The following NEK11 variants were observed in gnomAD, a reference collection of about 807,000 sequenced individuals.
The protein encoded by NEK11 is serine/threonine-protein kinase Nek11.
Under a neutral mutation model 80.7 loss-of-function variants are expected in NEK11, and 72 were observed. The ratio of observed to expected loss-of-function variants is 0.89; its 90% CI spans 0.74 to 1.08. The LOEUF is 1.08. Ranked by LOEUF, NEK11 falls within the 50% of genes least tolerant of loss-of-function variation. NEK11 has a pLI of 0.00. For missense variants in NEK11, 764 were observed against 763.6 expected, an observed-to-expected ratio of 1.00 and a Z score of -0.01; for synonymous variants, 251 against 260.7, an observed-to-expected ratio of 0.96 and a Z score of 0.36.
intron 16 of NEK11, among the ~76,000 whole-genome samples, chr3:131,245,820 T>G (rs1186131371): frequency 6.6e-6 from 1 of 152,010 alleles, no homozygotes; most frequent in Non-Finnish European, 1.5e-5. Context: ...TTTTTTGTTT[T>G]TTTGTTTGTT....
chr3:131,248,093 T>A (rs1273265223), intron 16 of NEK11, among the ~76,000 whole-genome samples: 1 of 152,140 alleles, frequency 6.6e-6, no homozygotes, highest in Non-Finnish European at 1.5e-5. Flanking sequence ...TATTTTTCTC[T>A]TGCTTGGTTG....
intron 17 of NEK11, among the ~76,000 whole-genome samples, chr3:131,277,857 G>A (rs1471743078): frequency 2.0e-5 from 3 of 152,208 alleles, no homozygotes; most frequent in African/African-American, 7.2e-5. Context: ...GCCTCATAGA[G>A]TTGTTGTTAG....
At chr3:131,305,934 G>A (rs528471832) in intron 17 of NEK11, among the ~76,000 whole-genome samples, 6 of 152,118 alleles carry the variant, frequency 3.9e-5, no homozygotes, top group East Asian at 3.9e-4. Context: ...CAGTGTCCCC[G>A]TCTCTTGATG....
At chr3:131,200,730 C>A (rs891825859) in intron 14 of NEK11, among the ~76,000 whole-genome samples, 9 of 152,188 alleles carry the variant, frequency 5.9e-5, no homozygotes, top group Admixed American at 2.0e-4. Flanking sequence ...ACATTTCTTC[C>A]CTGCTATATA....
intron 14 of NEK11, among the ~76,000 whole-genome samples, chr3:131,181,829 A>G (rs115203538): frequency 0.013 from 2,002 of 151,584 alleles, 40 homozygotes; most frequent in African/African-American, 0.045. Flanking sequence ...CAGTAGACAT[A>G]GAAAACTAAT....
At chr3:131,178,343 T>C (rs1260067455) in intron 14 of NEK11, among the ~76,000 whole-genome samples, 1 of 152,238 alleles carries the variant, frequency 6.6e-6, no homozygotes, top group Non-Finnish European at 1.5e-5. Context: ...CTGTAACTTT[T>C]TTACTTTATA....
At chr3:131,271,376 G>A (rs918009465) in intron 16 of NEK11, among the ~76,000 whole-genome samples, 2 of 152,174 alleles carry the variant, frequency 1.3e-5, no homozygotes, top group Non-Finnish European at 2.9e-5. Flanking sequence ...GAATTAAGCT[G>A]GAGAATATTC....
intron 17 of NEK11, among the ~76,000 whole-genome samples, chr3:131,348,792 C>T (rs1464944396): frequency 1.3e-5 from 2 of 151,800 alleles, no homozygotes; most frequent in East Asian, 3.9e-4. Context: ...AACTTTACCC[C>T]TTTTAAGCCT....
chr3:131,349,010 C>A (rs1164915323), intron 17 of NEK11, among the ~76,000 whole-genome samples: 4 of 152,074 alleles, frequency 2.6e-5, no homozygotes, highest in African/African-American at 7.3e-5. Context: ...ATCCCACCAT[C>A]CTGTTTCCCT....
chr3:131,207,408 G>A (rs946150743), intron 14 of NEK11, among the ~76,000 whole-genome samples: 8 of 152,032 alleles, frequency 5.3e-5, no homozygotes, highest in Non-Finnish European at 4.4e-5. Context: ...ACGGTGAAAC[G>A]CTATCTCTAC....
intron 14 of NEK11, among the ~76,000 whole-genome samples, chr3:131,195,278 T>A (rs1353699640): frequency 6.6e-6 from 1 of 151,942 alleles, no homozygotes; most frequent in Non-Finnish European, 1.5e-5. Flanking sequence ...CACCCCATGC[T>A]ACTACACTCC....
intron 16 of NEK11, among the ~76,000 whole-genome samples, chr3:131,255,119 A>AGAAG (rs2095791936): frequency 6.6e-6 from 1 of 151,340 alleles, no homozygotes; most frequent in Non-Finnish European, 1.5e-5. Context: ...AAAGAAAGAA[A>AGAAG]GAAAGAAAGA....
intron 17 of NEK11, among the ~76,000 whole-genome samples, chr3:131,297,601 T>C (rs1381299262): frequency 1.3e-5 from 2 of 152,140 alleles, no homozygotes; most frequent in African/African-American, 2.4e-5. Context: ...AATTTTCTCC[T>C]ATTTTGTAGG....
chr3:131,340,942 A>G (rs1377058312), intron 17 of NEK11, among the ~76,000 whole-genome samples: 1 of 152,234 alleles, frequency 6.6e-6, no homozygotes, highest in Middle Eastern at 3.2e-3. Flanking sequence ...GAAAACAATG[A>G]AAATATAAAT....
At chr3:131,323,279 C>A (rs2096916163) in intron 17 of NEK11, among the ~76,000 whole-genome samples, 1 of 152,248 alleles carries the variant, frequency 6.6e-6, no homozygotes, top group African/African-American at 2.4e-5. Context: ...TTCTTTCTCA[C>A]CACAGCAGGT....
chr3:131,224,465 G>T (rs2107717712), intron 14 of NEK11, among the ~76,000 whole-genome samples: 1 of 152,230 alleles, frequency 6.6e-6, no homozygotes, highest in Non-Finnish European at 1.5e-5. Flanking sequence ...CTGACCTCTG[G>T]TGATCTGCCT....
intron 17 of NEK11, among the ~76,000 whole-genome samples, chr3:131,275,387 A>T (rs1401977097): frequency 1.3e-5 from 2 of 152,222 alleles, no homozygotes; most frequent in African/African-American, 2.4e-5. Flanking sequence ...GCATATTATG[A>T]AATGTTTTAA....
intron 17 of NEK11, among the ~76,000 whole-genome samples, chr3:131,286,728 T>C (rs1050365457): frequency 6.6e-6 from 1 of 152,220 alleles, no homozygotes; most frequent in Admixed American, 6.5e-5. Context: ...ATTCTCAGGA[T>C]AAACTGCCAT....
intron 4 of NEK11, among the ~76,000 whole-genome samples, chr3:131,100,274 A>G (rs1204414198): frequency 6.6e-6 from 1 of 152,096 alleles, no homozygotes; most frequent in African/African-American, 2.4e-5. Flanking sequence ...TGATTTGTGT[A>G]TGTTAAGCCA....
Sources: gnomAD v4.1 joint callset for allele counts (sites outside exome capture counted in the v4.1 genomes callset) on GRCh38, gnomAD v4.1.1 for gene constraint, MANE v1.5 for transcripts, NCBI Gene and HGNC (gene_info 2026-07-23, HGNC 2026-07-21) for gene names.